The following TXLNG variants were observed in gnomAD, a reference collection of about 807,000 sequenced individuals.
TXLNG encodes taxilin gamma.
In TXLNG, 5 loss-of-function variants were observed where a neutral mutation model predicts 38.8. The ratio of observed to expected loss-of-function variants is 0.13; its 90% CI spans 0.07 to 0.27. TXLNG has a LOEUF of 0.27. Ranked by LOEUF, TXLNG falls within the 10% of genes least tolerant of loss-of-function variation. TXLNG has a pLI of 1.00. For synonymous variants in TXLNG, 182 were observed against 158.2 expected (o/e 1.15, Z -1.13); for missense variants, 393 against 398.2 (o/e 0.99, Z 0.11).
chrX:16,791,074 G>C (rs1161854762), intron 1 of TXLNG, among the ~76,000 whole-genome samples: 1 of 112,044 alleles, frequency 8.9e-6, no homozygotes, highest in African/African-American at 3.2e-5. Flanking sequence ...GGAGTTGATG[G>C]GACACATTTG....
At chrX:16,801,178 G>T (rs571335074) in intron 1 of TXLNG, among the ~76,000 whole-genome samples, 1 of 111,114 alleles carries the variant, frequency 9.0e-6, no homozygotes, top group Non-Finnish European at 1.9e-5. Flanking sequence ...ACCCAGTCTC[G>T]GGCATTCTTT....
rs1351835455 is a variant in TXLNG, at chrX:16,836,248, T to A, written c.1060-1345T>A. On this transcript the variant is annotated intron_variant, in intron 7 of 9. Transcript: ENST00000380122. ...CTGCACTCCAGCCTGAGCGACAGAG[T>A]GAGACCCTAAAGGACCACATCAAAA... Among the ~76,000 whole-genome samples, 10 of 111,522 alleles carry A rather than the reference T, an allele frequency of 9.0e-5. No homozygotes were observed. In the East Asian group the frequency reaches 2.6e-3, roughly 29 times the overall value.
At chrX:16,825,054 T>C (rs888484978) in intron 3 of TXLNG, among the ~76,000 whole-genome samples, 25 of 111,308 alleles carry the variant, frequency 2.2e-4, no homozygotes, top group Non-Finnish European at 4.7e-4. Context: ...AATAGCCCTA[T>C]GGAAAGCTGG....
At chrX:16,827,699 G>T (rs1929219988) in intron 3 of TXLNG, among the ~76,000 whole-genome samples, 1 of 111,727 alleles carries the variant, frequency 9.0e-6, no homozygotes, top group African/African-American at 3.3e-5. Flanking sequence ...GATTCAGGCT[G>T]CTGGGTTCAA....
At chrX:16,806,720 A>G (rs946350462) in intron 1 of TXLNG, among the ~76,000 whole-genome samples, 4 of 110,363 alleles carry the variant, frequency 3.6e-5, no homozygotes, top group Non-Finnish European at 7.6e-5. Context: ...GATCAAGACG[A>G]TCCTGGTTAA....
intron 3 of TXLNG, among the ~76,000 whole-genome samples, chrX:16,825,316 A>G (rs187777295): frequency 1.8e-5 from 2 of 112,128 alleles, no homozygotes; most frequent in African/African-American, 3.2e-5. Flanking sequence ...TCAATTCACC[A>G]TTGTCATGTG....
In TXLNG at chrX:16,841,781, A is replaced by G. The variant is rs1336628649; in HGVS notation, c.*15A>G. The G allele has an allele frequency of 1.7e-6, 2 of 1,189,531 alleles. No homozygotes were observed. Among genetic ancestry groups the G allele is most frequent in the African/African-American group, 3.5e-5 (2 of 56,694 alleles). ...CGGTTGACTAAGATGAGGTGTGATC[A>G]CTGTATTGAGAGATATATTTTGTGT... On this transcript the variant is annotated 3_prime_UTR_variant, in exon 10 of 10. Coordinates refer to ENST00000380122, the MANE Select transcript of TXLNG (RefSeq NM_018360.3).
intron 6 of TXLNG, among the ~76,000 whole-genome samples, chrX:16,833,316 G>A (rs1484711114): frequency 8.9e-6 from 1 of 112,342 alleles, no homozygotes; most frequent in African/African-American, 3.2e-5. Context: ...TTGCCTGTCA[G>A]TAATTGTGAA....
At chrX:16,793,192 A>C (rs1927764289) in intron 1 of TXLNG, among the ~76,000 whole-genome samples, 1 of 111,382 alleles carries the variant, frequency 9.0e-6, no homozygotes, top group African/African-American at 3.3e-5. Context: ...AGAAATAGGT[A>C]AGGTGACCTT....
intron 1 of TXLNG, among the ~76,000 whole-genome samples, chrX:16,811,590 T>A (rs1381154587): frequency 2.8e-5 from 3 of 107,353 alleles, no homozygotes; most frequent in Non-Finnish European, 5.8e-5. Flanking sequence ...TTGGGTGATC[T>A]GCTTGCCTCG....
At chrX:16,821,016 G>A (rs930593440) in intron 3 of TXLNG, among the ~76,000 whole-genome samples, 3 of 110,000 alleles carry the variant, frequency 2.7e-5, no homozygotes, top group East Asian at 2.9e-4. Context: ...TGATCTGCCC[G>A]CCTCGGCCTC....
intron 7 of TXLNG, among the ~76,000 whole-genome samples, chrX:16,836,347 A>G (rs1324686300): frequency 8.9e-6 from 1 of 111,791 alleles, no homozygotes; most frequent in Non-Finnish European, 1.9e-5. Flanking sequence ...TCTTGCCCCA[A>G]CTCCAGGCCT....
chrX:16,812,345 A>G (rs1569265762), intron 1 of TXLNG, among the ~76,000 whole-genome samples: 1 of 108,378 alleles, frequency 9.2e-6, no homozygotes. Context: ...AACAAGAGTA[A>G]CTTTTAATTA....
At chrX:16,836,897 A>G (rs1475194172) in intron 7 of TXLNG, among the ~76,000 whole-genome samples, 2 of 111,463 alleles carry the variant, frequency 1.8e-5, no homozygotes, top group Non-Finnish European at 3.8e-5. Flanking sequence ...CAGCTCACCT[A>G]TGAGGGCCAG....
chrX:16,837,485 C>T (rs1024295623), intron 7 of TXLNG, 108 bp from the exon 8 acceptor site: 19 of 502,987 alleles, frequency 3.8e-5, no homozygotes, highest in Admixed American at 1.3e-4. Flanking sequence ...TGCATTTGTT[C>T]GTATTTCTAT....
In TXLNG at chrX:16,841,980, C is replaced by T. The variant is rs745780642; in HGVS notation, c.*214C>T. 2 of 410,991 alleles carry T rather than the reference C, an allele frequency of 4.9e-6. No individual in the cohort carries two copies. Among genetic ancestry groups the T allele is most frequent in the Non-Finnish European group, 4.2e-6 (1 of 238,818 alleles). 33.9% of individuals were successfully genotyped at this position (410,991 alleles called of 1,213,427 possible). Reference sequence around the variant, plus strand: ...CCTCAGCTGTGTTGCACATCAGCCTCGTTCTCCCTCCACTGGAATGCATGT... The same window carrying T: ...CCTCAGCTGTGTTGCACATCAGCCTTGTTCTCCCTCCACTGGAATGCATGT... On this transcript the variant is annotated 3_prime_UTR_variant, in exon 10 of 10. Transcript: ENST00000380122.
chrX:16,829,876 T>C, intron 5 of TXLNG, 106 bp downstream of exon 5: 1 of 749,036 alleles, frequency 1.3e-6, no homozygotes, highest in Non-Finnish European at 1.9e-6. Context: ...ACTTTGCATA[T>C]GCATAGTGGC....
chrX:16,813,816 G>A (rs76682360), intron 1 of TXLNG, among the ~76,000 whole-genome samples: 1,133 of 111,507 alleles, frequency 0.01, 50 homozygotes, highest in Admixed American at 0.083. Context: ...GCCGGGCGCC[G>A]TGGCTCACGC....
chrX:16,791,301 A>G (rs1370722685), intron 1 of TXLNG, among the ~76,000 whole-genome samples: 2 of 111,837 alleles, frequency 1.8e-5, no homozygotes, highest in African/African-American at 6.5e-5. Flanking sequence ...CATTTCATTA[A>G]TCTTGTTTTT....
Sources: allele counts gnomAD v4.1 joint callset (sites outside exome capture counted in the v4.1 genomes callset), GRCh38; gene constraint gnomAD v4.1.1; transcripts MANE v1.5; gene names NCBI Gene and HGNC (gene_info 2026-07-23, HGNC 2026-07-21).